The following NTM variants were observed in gnomAD, a reference collection of about 807,000 sequenced individuals.
NTM encodes IgLON family member 2.
In NTM, 13 loss-of-function variants were observed where a neutral mutation model predicts 42.1. The observed-to-expected ratio is 0.31, with a 90% CI of 0.20 to 0.49. The LOEUF (loss-of-function observed/expected upper bound fraction) is 0.49. Among genes scored for constraint, NTM ranks in the 20% least tolerant of loss-of-function variants. The probability of loss-of-function intolerance (pLI) is 0.99; values close to 1 mark genes in which losing one functional copy is unlikely to be tolerated. For synonymous variants in NTM, 187 were observed against 179.2 expected, an observed-to-expected ratio of 1.04 and a Z score of -0.35; for missense variants, 373 against 452.8, an observed-to-expected ratio of 0.82 and a Z score of 1.60.
intron 1 of NTM, chr11:131,538,659 A>T (rs919897758): frequency 3.9e-5 from 6 of 152,206 alleles, no homozygotes; most frequent in Non-Finnish European, 5.9e-5. Flanking sequence ...AGGTGGACAT[A>T]CAGGATAAAC....
intron 4 of NTM, among the ~76,000 whole-genome samples, chr11:132,281,527 T>C (rs2093970927): frequency 6.6e-6 from 1 of 152,230 alleles, no homozygotes; most frequent in South Asian, 2.1e-4. Context: ...GGGTTCCTTG[T>C]CCACCCACTG....
chr11:132,104,576 AC>A lies in NTM; in HGVS notation c.168-41697del, dbSNP rs139338697. 3.7e-4 allele frequency among the ~76,000 whole-genome samples: 52 copies of A among 139,636 alleles called. 2 individuals carry two copies. In the East Asian group the frequency reaches 7.2e-3, roughly 19 times the overall value. The allele number at this position is 139,636 out of a possible 152,430, so 91.6% of individuals were successfully genotyped here. A position where few individuals can be genotyped will look rare whatever the true frequency, so the allele number is the denominator to read the frequency against. ...AGACCAGCCTGGGAAACATAGTGGG[AC>A]CCCCCCCCACCAAAAATAATAATAA... On this transcript the variant is annotated intron_variant, in intron 2 of 8. Transcript: ENST00000683400.
intron 2 of NTM, among the ~76,000 whole-genome samples, chr11:132,011,007 C>T (rs2846332): frequency 0.52 from 77,633 of 150,536 alleles, 21,200 homozygotes; most frequent in East Asian, 0.82. Flanking sequence ...ATGTCGATCT[C>T]GTATGGGCAT....
At chr11:132,330,087 G>A (rs751034020) in intron 7 of NTM, 66 bp from the exon 8 acceptor site, 4 of 1,545,316 alleles carry the variant, frequency 2.6e-6, no homozygotes, top group East Asian at 4.9e-5. Flanking sequence ...GAAATCATCT[G>A]AGGGCAAAGT....
At chr11:132,012,209 C>T (rs181090260) in intron 2 of NTM, among the ~76,000 whole-genome samples, 18 of 152,196 alleles carry the variant, frequency 1.2e-4, no homozygotes, top group East Asian at 3.9e-4. Context: ...AATCAAAGAA[C>T]GATAGAAGAC....
chr11:131,577,174 A>G (rs2058014887), intron 1 of NTM, among the ~76,000 whole-genome samples: 1 of 152,318 alleles, frequency 6.6e-6, no homozygotes, highest in South Asian at 2.1e-4. Context: ...CATTTCCCTC[A>G]TTAACACTGT....
intron 1 of NTM, among the ~76,000 whole-genome samples, chr11:131,733,483 C>CTTCT: frequency 6.9e-6 from 1 of 145,268 alleles, no homozygotes; most frequent in East Asian, 2.0e-4. Context: ...TCCTTCCTTC[C>CTTCT]TTCCTTCCTT....
chr11:131,787,599 T>C (rs1398448036), intron 1 of NTM, among the ~76,000 whole-genome samples: 1 of 152,076 alleles, frequency 6.6e-6, no homozygotes, highest in Non-Finnish European at 1.5e-5. Flanking sequence ...TTGGCCAGGA[T>C]GGTCTGGATC....
chr11:131,925,594 G>T (rs765983682), intron 2 of NTM, among the ~76,000 whole-genome samples: 2 of 151,892 alleles, frequency 1.3e-5, no homozygotes, highest in African/African-American at 4.8e-5. Flanking sequence ...CCATGTTGCC[G>T]AGGAGGTCTC....
intron 1 of NTM, among the ~76,000 whole-genome samples, chr11:131,410,625 G>C (rs553739696): frequency 1.3e-5 from 2 of 150,676 alleles, no homozygotes; most frequent in Non-Finnish European, 1.5e-5. Flanking sequence ...GATTTCTTGC[G>C]TCAATCTTTT....
At chr11:131,684,880 A>T (rs1003014828) in intron 1 of NTM, among the ~76,000 whole-genome samples, 3 of 152,172 alleles carry the variant, frequency 2.0e-5, no homozygotes, top group African/African-American at 7.2e-5. Flanking sequence ...CCTGAGTTGG[A>T]GGTGGGCAAG....
At chr11:132,262,688 CT>C (rs761395491) in intron 4 of NTM, among the ~76,000 whole-genome samples, 5 of 152,188 alleles carry the variant, frequency 3.3e-5, no homozygotes, top group African/African-American at 4.8e-5. Context: ...AGGATTAGGT[CT>C]TCAACATAGG....
chr11:131,382,915 C>T (rs1176519628), intron 1 of NTM, among the ~76,000 whole-genome samples: 1 of 151,384 alleles, frequency 6.6e-6, no homozygotes, highest in Non-Finnish European at 1.5e-5. Flanking sequence ...TAGTTTCATT[C>T]TTTTTTTTTG....
chr11:132,130,460 C>A (rs918600985), intron 2 of NTM, among the ~76,000 whole-genome samples: 1 of 152,090 alleles, frequency 6.6e-6, no homozygotes, highest in Non-Finnish European at 1.5e-5. Context: ...TTACTTCATG[C>A]GTTTAAGTTC....
At chr11:131,881,968 T>G (rs1355734396) in intron 1 of NTM, among the ~76,000 whole-genome samples, 2 of 152,186 alleles carry the variant, frequency 1.3e-5, no homozygotes, top group African/African-American at 4.8e-5. Flanking sequence ...TCACACAACT[T>G]TCTTCTCTTT....
At chr11:131,918,637 T>C (rs1408962616) in intron 2 of NTM, among the ~76,000 whole-genome samples, 1 of 152,160 alleles carries the variant, frequency 6.6e-6, no homozygotes, top group Non-Finnish European at 1.5e-5. Flanking sequence ...CTCGGTTCCA[T>C]AGTACTGGTC....
chr11:132,169,613 C>T (rs148725169), intron 3 of NTM, among the ~76,000 whole-genome samples: 2,666 of 151,924 alleles, frequency 0.018, 85 homozygotes, highest in African/African-American at 0.06. Context: ...GGATTACAGG[C>T]GTGAACCACT....
At chr11:131,878,646 C>T (rs2048975165) in intron 1 of NTM, among the ~76,000 whole-genome samples, 12 of 114,916 alleles carry the variant, frequency 1.0e-4, no homozygotes, top group African/African-American at 1.4e-4. Context: ...TATATAATGT[C>T]TTATGTTCAT....
intron 1 of NTM, among the ~76,000 whole-genome samples, chr11:131,586,863 A>G (rs532867515): frequency 6.6e-6 from 1 of 152,246 alleles, no homozygotes; most frequent in Non-Finnish European, 1.5e-5. Context: ...GGAAAGAACA[A>G]TCTATATCAC....
Sources: gnomAD v4.1 joint callset for allele counts (sites outside exome capture counted in the v4.1 genomes callset) on GRCh38, gnomAD v4.1.1 for gene constraint, MANE v1.5 for transcripts, NCBI Gene and HGNC (gene_info 2026-07-23, HGNC 2026-07-21) for gene names.